The following CNTNAP5 variants were observed in gnomAD, a reference collection of about 807,000 sequenced individuals.
CNTNAP5 encodes the protein contactin associated protein family member 5.
A neutral mutation model predicts 150.2 loss-of-function variants in CNTNAP5; 72 were observed. The ratio of observed to expected loss-of-function variants is 0.48; its 90% CI spans 0.40 to 0.58. The LOEUF (loss-of-function observed/expected upper bound fraction) is 0.58, where lower values mean the gene tolerates loss of function less well. Ranked by LOEUF, CNTNAP5 falls within the 20% of genes least tolerant of loss-of-function variation. The pLI is 0.00. For missense variants in CNTNAP5, 1,636 were observed against 1,626.2 expected (o/e 1.01, Z -0.10); for synonymous variants, 672 against 619.8 (o/e 1.08, Z -1.25).
chr2:124,548,620 G>A (rs146165698), intron 10 of CNTNAP5, among the ~76,000 whole-genome samples: 44 of 150,968 alleles, frequency 2.9e-4, no homozygotes, highest in African/African-American at 9.7e-4. Context: ...CTCTCTCCAC[G>A]AACTGGAAAA....
In CNTNAP5 at chr2:124,911,467, A is replaced by G; in HGVS notation, c.3656A>G (p.Asp1219Gly). Residue 1219 changes from aspartate (D) to glycine (G), a missense_variant and splice_region_variant, in exon 23 of 24, where the codon GAT (aspartate) becomes GGT (glycine). Transcript: ENST00000682447. Reference protein sequence around the residue: ...NAVTTVHSSSDPFGKTDEREP... With the variant: ...NAVTTVHSSSGPFGKTDEREP... The stretch of plus-strand genomic sequence containing the variant: ...GTCCCATGTCTTTTACTCCTTTCAG[A>G]TCCTTTTGGGAAGACAGATGAGCGG... 1 of 1,593,902 alleles carries G rather than the reference A, an allele frequency of 6.3e-7. No individual in the cohort carries two copies. Among genetic ancestry groups the G allele is most frequent in the South Asian group, 1.1e-5 (1 of 87,804 alleles).
At chr2:124,223,526 A>G (rs1686378631) in intron 2 of CNTNAP5, among the ~76,000 whole-genome samples, 1 of 152,068 alleles carries the variant, frequency 6.6e-6, no homozygotes, top group South Asian at 2.1e-4. Context: ...AGGAAGAAAC[A>G]CAGGTTGGCA....
intron 4 of CNTNAP5, among the ~76,000 whole-genome samples, chr2:124,426,231 C>G (rs535037099): frequency 6.6e-6 from 1 of 151,996 alleles, no homozygotes; most frequent in Non-Finnish European, 1.5e-5. Flanking sequence ...ATAGGAATGT[C>G]AGAAATTTTG....
Position 124,721,190 on chromosome 2 carries a change from T to G in CNTNAP5, c.2078-26039T>G, listed in dbSNP as rs1235984587. On this transcript the variant is annotated intron_variant, in intron 13 of 23. Coordinates refer to ENST00000682447, the MANE Select transcript of CNTNAP5 (RefSeq NM_001367498.1). ...TTGCACCTTGTTTATTTACAAGAAT[T>G]AAATGCGGCTGGGCACTGAGGCTTA... Among the ~76,000 whole-genome samples, 5 of 152,216 alleles carry G rather than the reference T, an allele frequency of 3.3e-5. No individual in the cohort carries two copies. The East Asian group carries it at 9.7e-4, about 29-fold the overall frequency.
At chr2:124,033,985 C>T (rs1042359176) in intron 1 of CNTNAP5, among the ~76,000 whole-genome samples, 1 of 151,884 alleles carries the variant, frequency 6.6e-6, no homozygotes, top group African/African-American at 2.4e-5. Flanking sequence ...TGTTTTGAAT[C>T]TGGAAGGAGA....
At chr2:124,603,864 T>C (rs555441244) in intron 11 of CNTNAP5, among the ~76,000 whole-genome samples, 2 of 152,344 alleles carry the variant, frequency 1.3e-5, no homozygotes, top group African/African-American at 4.8e-5. Context: ...TAGAAACTAA[T>C]AAATTGTATA....
chr2:124,292,988 G>A (rs1453041939), intron 3 of CNTNAP5, among the ~76,000 whole-genome samples: 3 of 151,988 alleles, frequency 2.0e-5, no homozygotes, highest in African/African-American at 7.2e-5. Flanking sequence ...AGTAGAGACA[G>A]AGCTAAAGTA....
At chr2:124,540,212 A>G (rs1270550877) in intron 10 of CNTNAP5, among the ~76,000 whole-genome samples, 1 of 152,174 alleles carries the variant, frequency 6.6e-6, no homozygotes, top group African/African-American at 2.4e-5. Flanking sequence ...TATAACTGTG[A>G]CTGTAATAAT....
intron 1 of CNTNAP5, among the ~76,000 whole-genome samples, chr2:124,084,883 T>G (rs534748264): frequency 6.6e-6 from 1 of 151,438 alleles, no homozygotes; most frequent in South Asian, 2.1e-4. Context: ...GTCTAGAGAT[T>G]TTTTTGGGGA....
chr2:124,712,883 A>G (rs1050025937), intron 13 of CNTNAP5, among the ~76,000 whole-genome samples: 28 of 152,044 alleles, frequency 1.8e-4, no homozygotes. Context: ...AAGCTCTGGG[A>G]TTAAAGGTGT....
intron 1 of CNTNAP5, among the ~76,000 whole-genome samples, chr2:124,177,067 CA>C (rs1305903701): frequency 6.6e-6 from 1 of 151,942 alleles, no homozygotes; most frequent in African/African-American, 2.4e-5. Flanking sequence ...AGGCTACTCT[CA>C]AACTCCTGAC....
chr2:124,155,455 T>C (rs991665201), intron 1 of CNTNAP5, among the ~76,000 whole-genome samples: 28 of 152,068 alleles, frequency 1.8e-4, no homozygotes, highest in East Asian at 3.9e-4. Context: ...TGTGTGTGTG[T>C]GCGCGCGTGT....
At chr2:124,485,384 C>T (rs1408260211) in intron 7 of CNTNAP5, among the ~76,000 whole-genome samples, 4 of 152,010 alleles carry the variant, frequency 2.6e-5, no homozygotes, top group African/African-American at 7.2e-5. Flanking sequence ...GAGGCCCAGG[C>T]GGGTGGATCA....
chr2:124,879,147 C>G (rs1275502380), intron 21 of CNTNAP5, among the ~76,000 whole-genome samples: 1 of 152,044 alleles, frequency 6.6e-6, no homozygotes, highest in Non-Finnish European at 1.5e-5. Context: ...CAGTCCGATG[C>G]TTAAACACCC....
intron 21 of CNTNAP5, among the ~76,000 whole-genome samples, chr2:124,879,108 G>A (rs543576218): frequency 1.0e-3 from 155 of 152,154 alleles, no homozygotes; most frequent in Non-Finnish European, 1.8e-3. Context: ...TATACTTTGT[G>A]AGTCAGTCAA....
At chr2:124,500,321 G>C (rs895189571) in intron 7 of CNTNAP5, among the ~76,000 whole-genome samples, 3 of 152,172 alleles carry the variant, frequency 2.0e-5, no homozygotes, top group African/African-American at 7.2e-5. Context: ...AATTGTTAGA[G>C]AAGATAACGG....
At chr2:124,733,249 A>G (rs1287425628) in intron 13 of CNTNAP5, among the ~76,000 whole-genome samples, 3 of 152,154 alleles carry the variant, frequency 2.0e-5, no homozygotes, top group Admixed American at 2.0e-4. Flanking sequence ...TAGTCTTGAT[A>G]TTGTATAAAG....
chr2:124,277,279 TC>T, intron 3 of CNTNAP5, among the ~76,000 whole-genome samples: 1 of 152,182 alleles, frequency 6.6e-6, no homozygotes, highest in South Asian at 2.1e-4. Flanking sequence ...GGTCTCATTT[TC>T]CTTATACCTG....
intron 1 of CNTNAP5, among the ~76,000 whole-genome samples, chr2:124,106,896 G>T (rs1170366078): frequency 6.6e-6 from 1 of 151,742 alleles, no homozygotes; most frequent in Non-Finnish European, 1.5e-5. Context: ...TCAGAATTGA[G>T]TTGAATTGTT....
Sources: gnomAD v4.1 joint callset for allele counts (sites outside exome capture counted in the v4.1 genomes callset) on GRCh38, gnomAD v4.1.1 for gene constraint, MANE v1.5 for transcripts, NCBI Gene and HGNC (gene_info 2026-07-23, HGNC 2026-07-21) for gene names.